Variants in PTPRN2 observed in about 807,000 individuals in gnomAD.
PTPRN2 encodes receptor-type tyrosine-protein phosphatase N2.
A neutral mutation model predicts 118.8 loss-of-function variants in PTPRN2; 74 were observed. That is an observed-to-expected ratio of 0.62 (90% CI 0.52 to 0.76). The LOEUF is 0.76. Among genes scored for constraint, PTPRN2 ranks in the 30% least tolerant of loss-of-function variants. PTPRN2 has a pLI of 0.00. For missense variants in PTPRN2, 1,481 were observed against 1,394.4 expected, an observed-to-expected ratio of 1.06 and a Z score of -0.99; for synonymous variants, 641 against 608.0, an observed-to-expected ratio of 1.05 and a Z score of -0.80.
At chr7:158,439,042 C>G (rs1011719939) in intron 2 of PTPRN2, among the ~76,000 whole-genome samples, 2 of 152,220 alleles carry the variant, frequency 1.3e-5, no homozygotes, top group Non-Finnish European at 2.9e-5. Flanking sequence ...TGTGTATTCA[C>G]TGGAAGGCTG....
intron 11 of PTPRN2, among the ~76,000 whole-genome samples, chr7:158,044,386 C>T (rs561749525): frequency 1.3e-5 from 2 of 152,276 alleles, no homozygotes; most frequent in East Asian, 1.9e-4. Flanking sequence ...CCCTTCTCCC[C>T]GCACATCCTG....
rs1814413615 is a variant in PTPRN2, at chr7:158,093,870, A to G, written c.1644-12493T>C. Among the ~76,000 whole-genome samples the G allele has an allele frequency of 6.6e-6, 1 of 152,254 alleles. No individual in the cohort carries two copies. Among genetic ancestry groups the G allele is most frequent in the Non-Finnish European group, 1.5e-5 (1 of 68,050 alleles). On this transcript the variant is annotated intron_variant, in intron 10 of 22. Coordinates refer to ENST00000389418, the MANE Select transcript of PTPRN2 (RefSeq NM_002847.5). The surrounding 1 kb of genome is among the most constrained non-coding windows in gnomAD (Gnocchi z 4.4). Reference sequence around the variant, plus strand: ...AATGTATGAGGAAACAAAGACACACACAGTTATTGCAAGATAATTTAACAT... The same window carrying G: ...AATGTATGAGGAAACAAAGACACACGCAGTTATTGCAAGATAATTTAACAT...
In PTPRN2 at chr7:158,355,746, G is replaced by A. The variant is rs546636475; in HGVS notation, c.164-38814C>T. Among the ~76,000 whole-genome samples, 25 of 152,362 alleles carry A rather than the reference G, an allele frequency of 1.6e-4. 1 individual carries two copies. Among genetic ancestry groups the A allele is most frequent in the South Asian group, 8.3e-4 (4 of 4,826 alleles). On this transcript the variant is annotated intron_variant, in intron 2 of 22. Transcript: ENST00000389418. ...CCAGATGGCAACAGGGAGAATCTGC[G>A]TGCACAGGAGCCAGCCTGAAGGAAG...
chr7:158,479,747 T>C (rs1820529183), intron 2 of PTPRN2, among the ~76,000 whole-genome samples: 1 of 151,980 alleles, frequency 6.6e-6, no homozygotes, highest in Non-Finnish European at 1.5e-5. Context: ...CTGCTGCCTG[T>C]GGGGGTGGGC....
rs749341881 is a variant in PTPRN2 at position 157,883,859 on chromosome 7, C to T, written c.1788+14814G>A. Among the ~76,000 whole-genome samples, 14 of 144,968 alleles carry T rather than the reference C, an allele frequency of 9.7e-5. 1 individual carries two copies. Among genetic ancestry groups the T allele is most frequent in the South Asian group, 4.7e-4 (2 of 4,280 alleles). ...AGATCAGAACACATCACCCCAAAAA[C>T]GACTGTCAGAAACTAGAACACACCA... On this transcript the variant is annotated intron_variant, in intron 12 of 22. Transcript: ENST00000389418.
intron 11 of PTPRN2, among the ~76,000 whole-genome samples, chr7:158,053,727 T>C (rs563653187): frequency 3.6e-4 from 54 of 147,968 alleles, no homozygotes; most frequent in African/African-American, 1.3e-3. Context: ...ACCCCAGAGA[T>C]GCAGAGACCC....
At chr7:158,459,802 GGC>G (rs1485266581) in intron 2 of PTPRN2, among the ~76,000 whole-genome samples, 4,289 of 147,274 alleles carry the variant, frequency 0.029, 1,514 homozygotes, top group African/African-American at 0.034. Flanking sequence ...CTCCTAGAGG[GGC>G]TGTGTACCGT....
intron 3 of PTPRN2, among the ~76,000 whole-genome samples, chr7:158,312,375 T>G (rs1801888934): frequency 6.9e-6 from 1 of 144,776 alleles, no homozygotes; most frequent in South Asian, 2.2e-4. Context: ...CATGCACACA[T>G]GCACACATAC....
chr7:157,792,871 A>G (rs1804605737), intron 12 of PTPRN2, among the ~76,000 whole-genome samples: 1 of 152,174 alleles, frequency 6.6e-6, no homozygotes, highest in Non-Finnish European at 1.5e-5. Context: ...ATCGATGGGC[A>G]CTGCGCTTCA....
intron 1 of PTPRN2, among the ~76,000 whole-genome samples, chr7:158,577,903 C>A (rs377665104): frequency 1.3e-5 from 2 of 152,142 alleles, no homozygotes; most frequent in East Asian, 3.9e-4. Flanking sequence ...CTGCACTGCC[C>A]GGCCACCTCC....
chr7:158,146,006 T>C (rs1473612828), intron 6 of PTPRN2, among the ~76,000 whole-genome samples: 2 of 152,326 alleles, frequency 1.3e-5, no homozygotes, highest in Non-Finnish European at 1.5e-5. Flanking sequence ...TAATAAATTA[T>C]AACTATTATC....
rs530213399 is a variant in PTPRN2, at chr7:158,085,303, CCA to C, written c.1644-3928_1644-3927del. Among the ~76,000 whole-genome samples the C allele has an allele frequency of 9.0e-4, 118 of 130,866 alleles. 2 individuals are homozygous for C. The highest frequency in any genetic ancestry group is 3.6e-3 in the African/African-American group (115 of 32,278). 85.9% of individuals were successfully genotyped at this position (130,866 alleles called of 152,430 possible). ...ACCCATCCACACCCACGACGCCCAT[CCA>C]CACCCACGACGCCCATTCACACATG... On this transcript the variant is annotated intron_variant, in intron 10 of 22. Transcript: ENST00000389418.
At chr7:157,976,501 G>T (rs1802759301) in intron 11 of PTPRN2, among the ~76,000 whole-genome samples, 1 of 148,616 alleles carries the variant, frequency 6.7e-6, no homozygotes, top group Non-Finnish European at 1.5e-5. Context: ...GAGTTCCCAG[G>T]TTCTCGCCCA....
chr7:158,099,658 C>A (rs1585433474), intron 10 of PTPRN2, among the ~76,000 whole-genome samples: 1 of 43,718 alleles, frequency 2.3e-5, no homozygotes, highest in African/African-American at 1.0e-4. Flanking sequence ...TTCCTCCCCC[C>A]ATCCCCGGCT....
intron 3 of PTPRN2, among the ~76,000 whole-genome samples, chr7:158,215,092 C>T (rs183009240): frequency 7.2e-5 from 11 of 152,128 alleles, no homozygotes; most frequent in East Asian, 1.9e-4. Context: ...AAACCAGTTA[C>T]GATAAAAATG....
chr7:157,887,718 CCCA>C (rs1158605082), intron 12 of PTPRN2, among the ~76,000 whole-genome samples: 2 of 20,674 alleles, frequency 9.7e-5, no homozygotes, highest in East Asian at 1.3e-3. Flanking sequence ...ACCTACTCCC[CCCA>C]GTACCCACTC....
At position 157,576,760 on chromosome 7, in the gene PTPRN2, T is replaced by A; in HGVS notation, c.2636A>T (p.His879Leu). The A allele has an allele frequency of 6.2e-7, 1 of 1,605,528 alleles. No individual in the cohort carries two copies. The highest frequency in any genetic ancestry group is 8.5e-7 in the Non-Finnish European group (1 of 1,175,604). The change falls in exon 19 of 23, where the codon CAC becomes CTC. Residue 879 changes from histidine to leucine, a missense_variant. Physicochemically the swap from His to Leu is moderately conservative, Grantham distance 99. Around this residue, in one of 3 missense-constraint regions of PTPRN2, gnomAD observed 362 missense variants for 384.1 expected, o/e 0.94. Transcript: ENST00000389418. ...HIYEVNLVSE[H>L]IWCEDFLVRS... ...CACCAGGAAGTCCTCACACCAGATG[T>A]GCTCGGAGACCAGGTTCACCTGGCA... is the stretch of plus-strand genomic sequence containing the variant.
At chr7:158,269,775 C>CAG (rs775888419) in intron 3 of PTPRN2, among the ~76,000 whole-genome samples, 4 of 150,800 alleles carry the variant, frequency 2.7e-5, no homozygotes, top group East Asian at 2.0e-4. Flanking sequence ...GGAACAGAGA[C>CAG]AGAGAGAGAG....
rs145318765 is a variant in PTPRN2 at position 157,758,386 on chromosome 7, G to A, written c.1789-75449C>T. Among the ~76,000 whole-genome samples, 153 of 152,324 alleles carry A rather than the reference G, an allele frequency of 1.0e-3. 1 individual carries two copies. The highest frequency in any genetic ancestry group is 3.6e-3 in the African/African-American group (150 of 41,580). ...CAGGGTAACCTCCATGTCCCCAAAG[G>A]GCAAGACCGGCTCAGAGGCGAGGTA... On this transcript the variant is annotated intron_variant, in intron 12 of 22. Coordinates refer to ENST00000389418, the MANE Select transcript of PTPRN2 (RefSeq NM_002847.5).
Sources: allele counts gnomAD v4.1 joint callset (sites outside exome capture counted in the v4.1 genomes callset), GRCh38; gene constraint gnomAD v4.1.1; regional missense constraint gnomAD v4.1.1; non-coding constraint Gnocchi (gnomAD v3.1); transcripts MANE v1.5; gene names NCBI Gene and HGNC (gene_info 2026-07-23, HGNC 2026-07-21).